The following FBXL18 variants were observed in gnomAD, a reference collection of about 807,000 sequenced individuals.
The protein encoded by FBXL18 is F-box and leucine rich repeat protein 18.
Under a neutral mutation model 46.0 loss-of-function variants are expected in FBXL18, and 36 were observed. The observed-to-expected ratio is 0.78, with a 90% confidence interval of 0.60 to 1.03. The LOEUF (loss-of-function observed/expected upper bound fraction) is 1.03. FBXL18 is among the 50% of genes least tolerant of loss of function. The pLI is 0.00. For synonymous variants in FBXL18, 557 were observed against 465.3 expected (o/e 1.20, Z -2.54); for missense variants, 977 against 1,004.1 (o/e 0.97, Z 0.36).
intron 4 of FBXL18, among the ~76,000 whole-genome samples, chr7:5,485,932 G>A (rs1291839068): frequency 5.3e-5 from 8 of 152,000 alleles, no homozygotes; most frequent in African/African-American, 1.2e-4. Flanking sequence ...GGTGGCACAC[G>A]CCTGTAATCC....
intron 4 of FBXL18, among the ~76,000 whole-genome samples, chr7:5,488,563 T>G (rs1783834288): frequency 6.6e-6 from 1 of 152,188 alleles, no homozygotes; most frequent in Non-Finnish European, 1.5e-5. Flanking sequence ...GGGATGGGTC[T>G]GAGGGCCCCA....
intron 1 of FBXL18, 103 bp from the exon 2 acceptor site, chr7:5,505,733 A>G (rs138975965): frequency 0.017 from 15,376 of 917,184 alleles, 216 homozygotes; most frequent in Middle Eastern, 0.022. Flanking sequence ...ATCCATGGGA[A>G]AGAAGGTGTT....
At position 5,513,781 on chromosome 7, in the gene FBXL18, C is replaced by T. The variant is rs1007004925; in HGVS notation, c.-107G>A. 6.8e-7 allele frequency: 1 copy of T among 1,465,000 alleles called. No individual in the cohort carries two copies. Among genetic ancestry groups the T allele is most frequent in the African/African-American group, 1.4e-5 (1 of 70,896 alleles). 90.8% of individuals were successfully genotyped at this position (1,465,000 alleles called of 1,614,324 possible). On this transcript the variant is annotated 5_prime_UTR_variant, in exon 1 of 5. Coordinates refer to ENST00000382368, the MANE Select transcript of FBXL18 (RefSeq NM_024963.6). ...GCGCGTCCACCGCTCAACCGAGACCCCGGCAAGGAGCGGGCTCTCGTCACT... is the reference window on the plus strand; with the variant it reads ...GCGCGTCCACCGCTCAACCGAGACCTCGGCAAGGAGCGGGCTCTCGTCACT...
chr7:5,468,757 C>T (rs1224750716), intron 4 of FBXL18, among the ~76,000 whole-genome samples: 2 of 152,012 alleles, frequency 1.3e-5, no homozygotes, highest in South Asian at 2.1e-4. Context: ...CGCACCACCA[C>T]GACGGGCTAA....
chr7:5,484,731 C>A lies in FBXL18; in HGVS notation c.2001-2800G>T, dbSNP rs115055715. Among the ~76,000 whole-genome samples, 268 of 151,650 alleles carry A rather than the reference C, an allele frequency of 1.8e-3. 1 individual carries two copies. The highest frequency in any genetic ancestry group is 6.2e-3 in the African/African-American group (255 of 41,332). On this transcript the variant is annotated intron_variant, in intron 4 of 4. Coordinates refer to ENST00000382368, the MANE Select transcript of FBXL18 (RefSeq NM_024963.6). ...TTGGCTCAATGCAACCTCCGCCTCC[C>A]GAGCTTAAACGATTTTCCCGTCTCA...
intron 1 of FBXL18, among the ~76,000 whole-genome samples, chr7:5,510,533 T>C (rs1011199375): frequency 2.0e-5 from 3 of 151,452 alleles, no homozygotes; most frequent in Non-Finnish European, 2.9e-5. Flanking sequence ...AATACAAAAA[T>C]TAGCCAGGCA....
intron 4 of FBXL18, among the ~76,000 whole-genome samples, chr7:5,462,969 AATATAT>A (rs1405287211): frequency 0.012 from 193 of 15,644 alleles, 5 homozygotes; most frequent in South Asian, 0.02. Context: ...AAAAAAAAAA[AATATAT>A]ATATATATAT....
In FBXL18 at chr7:5,491,318, G is replaced by A. The variant is rs1478387171; in HGVS notation, c.1913C>T (p.Ala638Val). Residue 638 changes from alanine to valine, a missense_variant, in exon 4 of 5, where the codon GCT (alanine) becomes GTT (valine). Transcript: ENST00000382368. ...GCACATGACAACCTGCAGGCAGCGA[G>A]CCATGAAGGCCAGCACGGCATCGGG... ...LQPDAVLAFMARCLQVVMCHL... is the reference protein window; with the variant it reads ...LQPDAVLAFMVRCLQVVMCHL... The A allele has an allele frequency of 1.2e-6, 2 of 1,612,576 alleles. No individual in the cohort carries two copies. Among genetic ancestry groups the A allele is most frequent in the Non-Finnish European group, 1.7e-6 (2 of 1,179,716 alleles).
chr7:5,489,496 C>T (rs1562690313), intron 4 of FBXL18: 5 of 349,190 alleles, frequency 1.4e-5, no homozygotes, highest in Non-Finnish European at 2.2e-5. Context: ...TTAGGCCGGG[C>T]GCGGTGGCTC....
At chr7:5,473,410 G>A (rs1273072499), downstream of FBXL18, among the ~76,000 whole-genome samples, 1 of 144,216 alleles carries the variant, frequency 6.9e-6, no homozygotes, top group African/African-American at 2.7e-5. Flanking sequence ...TCTTCCCAGA[G>A]CCCAGGACAG....
intron 4 of FBXL18, among the ~76,000 whole-genome samples, chr7:5,467,122 C>T (rs1038329586): frequency 2.0e-5 from 3 of 152,098 alleles, no homozygotes; most frequent in African/African-American, 4.8e-5. Context: ...GAGGCGAAGG[C>T]GGGCGGATCA....
At chr7:5,505,204 C>G (rs945592378) in intron 2 of FBXL18, among the ~76,000 whole-genome samples, 1 of 152,088 alleles carries the variant, frequency 6.6e-6, no homozygotes, top group Non-Finnish European at 1.5e-5. Flanking sequence ...CCACATACAT[C>G]TGCACCCTCC....
At chr7:5,490,231 T>G (rs1264662640) in intron 4 of FBXL18, 1 of 1,320,420 alleles carries the variant, frequency 7.6e-7, no homozygotes, top group African/African-American at 1.5e-5. Flanking sequence ...ACACGAACAC[T>G]CAGGGCGTTC....
Position 5,480,534 on chromosome 7 carries a change from A to G in FBXL18, c.*1241T>C, listed in dbSNP as rs1783612944. The G allele has an allele frequency of 2.7e-5, 1 of 36,824 alleles. No homozygotes were observed. Among genetic ancestry groups the G allele is most frequent in the South Asian group, 9.7e-4 (1 of 1,028 alleles). 2.3% of individuals were successfully genotyped at this position (36,824 alleles called of 1,614,324 possible). ...TCCTCCCAAAGTGTGTTGAATATAT[A>G]TATATATATATATATTTTTTTTTTT... On this transcript the variant is annotated 3_prime_UTR_variant, in exon 5 of 5. Coordinates refer to ENST00000382368, the MANE Select transcript of FBXL18 (RefSeq NM_024963.6).
chr7:5,463,546 G>C (rs1217435172), intron 4 of FBXL18, among the ~76,000 whole-genome samples: 1 of 151,468 alleles, frequency 6.6e-6, no homozygotes. Context: ...TTGAGCCCAG[G>C]AGGTCAAGGC....
chr7:5,468,014 G>A (rs993491973), intron 4 of FBXL18, among the ~76,000 whole-genome samples: 84 of 147,394 alleles, frequency 5.7e-4, no homozygotes, highest in African/African-American at 2.0e-3. Flanking sequence ...ATGGAATCTC[G>A]CTCTGTCGCC....
At chr7:5,467,305 T>A (rs111472938) in intron 4 of FBXL18, among the ~76,000 whole-genome samples, 1,554 of 150,912 alleles carry the variant, frequency 0.01, 39 homozygotes, top group African/African-American at 0.036. Context: ...GAGCCGAGAT[T>A]GCGCCACTGC....
At chr7:5,484,363 C>T (rs1043946802) in intron 4 of FBXL18, among the ~76,000 whole-genome samples, 13 of 151,152 alleles carry the variant, frequency 8.6e-5, no homozygotes, top group African/African-American at 1.7e-4. Context: ...CCCAGCTATT[C>T]GGAAGGCTGC....
intron 4 of FBXL18, among the ~76,000 whole-genome samples, chr7:5,458,277 G>A (rs183835245): frequency 6.6e-6 from 1 of 152,284 alleles, no homozygotes; most frequent in Non-Finnish European, 1.5e-5. Flanking sequence ...GTATAGAGAG[G>A]TTTCTGGCCA....
Sources: allele counts gnomAD v4.1 joint callset (sites outside exome capture counted in the v4.1 genomes callset), GRCh38; gene constraint gnomAD v4.1.1; transcripts MANE v1.5; gene names NCBI Gene and HGNC (gene_info 2026-07-23, HGNC 2026-07-21).